Variants in LSM3 observed in about 807,000 individuals in gnomAD.
LSM3 encodes U6 snRNA-associated Sm-like protein LSm3.
Under a neutral mutation model 15.4 loss-of-function variants are expected in LSM3, and 14 were observed. That is an observed-to-expected ratio of 0.91 (90% CI 0.60 to 1.42). The LOEUF is 1.42. Among genes scored for constraint, LSM3 ranks in the 40% most tolerant of loss-of-function variants. The pLI, the probability that LSM3 is intolerant of heterozygous loss-of-function variation, is 0.00. For missense variants in LSM3, 88 were observed against 127.9 expected, an observed-to-expected ratio of 0.69 and a Z score of 1.50; for synonymous variants, 46 against 45.1, an observed-to-expected ratio of 1.02 and a Z score of -0.08.
rs1436714313 is a variant in LSM3, at chr3:14,180,820, C to CTTTTTTTTTTTTTTTTTTTTTT, written c.22-740_22-739insTTTTTTTTTTTTTTTTTTTTTT. On this transcript the variant is annotated intron_variant, in intron 1 of 3. Transcript: ENST00000306024. ...TGACTCCAAAGCCAGTGCTTGCTTG[C>CTTTTTTTTTTTTTTTTTTTTTT]CTTTTTTTTTTTTTTTTTTTTTTTT... Among the ~76,000 whole-genome samples the CTTTTTTTTTTTTTTTTTTTTTT allele has an allele frequency of 3.9e-5, 2 of 51,398 alleles. 1 individual carries two copies. Among genetic ancestry groups the CTTTTTTTTTTTTTTTTTTTTTT allele is most frequent in the African/African-American group, 1.5e-4 (2 of 13,078 alleles). 33.7% of individuals were successfully genotyped at this position (51,398 alleles called of 152,430 possible).
intron 1 of LSM3, among the ~76,000 whole-genome samples, chr3:14,179,099 C>T (rs934628839): frequency 1.3e-5 from 2 of 152,184 alleles, no homozygotes; most frequent in African/African-American, 4.8e-5. Context: ...CTCTTCGCTT[C>T]ATTTTTTTAA....
intron 3 of LSM3, among the ~76,000 whole-genome samples, chr3:14,193,758 A>C (rs1260922337): frequency 6.6e-6 from 1 of 152,006 alleles, no homozygotes; most frequent in African/African-American, 2.4e-5. Context: ...GTTATTACCC[A>C]CCTTCTGAAG....
At chr3:14,190,291 T>C (rs2470457) in intron 3 of LSM3, among the ~76,000 whole-genome samples, 97,511 of 151,040 alleles carry the variant, frequency 0.65, 31,661 homozygotes, top group African/African-American at 0.72. Flanking sequence ...CTTTTTGGTT[T>C]CATATGAAGT....
chr3:14,181,179 G>A (rs1697034778), intron 1 of LSM3, among the ~76,000 whole-genome samples: 1 of 152,154 alleles, frequency 6.6e-6, no homozygotes, highest in East Asian at 1.9e-4. Flanking sequence ...TTAAGTGAGT[G>A]TTTTTCCAAT....
In LSM3 at chr3:14,199,968, C is replaced by G. The variant is rs1310058383; in HGVS notation, c.*1852C>G. On this transcript the variant is annotated 3_prime_UTR_variant, in exon 4 of 4. Coordinates refer to ENST00000306024, the MANE Select transcript of LSM3 (RefSeq NM_014463.3). Reference sequence around the variant, plus strand: ...TCGCTCTGCCAGTCTGCAGTTCTCCCCAGCACTGCATTCATTTTTAGTGGT... The same window carrying G: ...TCGCTCTGCCAGTCTGCAGTTCTCCGCAGCACTGCATTCATTTTTAGTGGT... 1 of 152,216 alleles carries G rather than the reference C, an allele frequency of 6.6e-6. No individual in the cohort carries two copies. Among genetic ancestry groups the G allele is most frequent in the Non-Finnish European group, 1.5e-5 (1 of 68,062 alleles). 9.4% of individuals were successfully genotyped at this position (152,216 alleles called of 1,614,324 possible).
intron 1 of LSM3, 29 bp downstream of exon 1, chr3:14,178,910 A>C: frequency 1.2e-6 from 2 of 1,613,804 alleles, no homozygotes; most frequent in South Asian, 2.2e-5. Flanking sequence ...GGTCGCTCGA[A>C]GGAGCTTCTT....
intron 3 of LSM3, among the ~76,000 whole-genome samples, chr3:14,185,523 A>G (rs1447510376): frequency 2.6e-5 from 4 of 152,208 alleles, no homozygotes; most frequent in Non-Finnish European, 5.9e-5. Context: ...GAAGATTCTC[A>G]TATCTTTTTT....
intron 2 of LSM3, among the ~76,000 whole-genome samples, chr3:14,182,444 A>AT (rs1328871482): frequency 6.6e-6 from 1 of 150,434 alleles, no homozygotes; most frequent in African/African-American, 2.5e-5. Context: ...ATAGTGATCG[A>AT]TTTTTTTTCA....
intron 3 of LSM3, among the ~76,000 whole-genome samples, chr3:14,189,900 G>A (rs762347627): frequency 2.0e-5 from 3 of 152,010 alleles, no homozygotes; most frequent in African/African-American, 7.3e-5. Context: ...GGTATTGCCC[G>A]GGTTTTCTTC....
rs747037189 is a variant in LSM3 at position 14,184,033 on chromosome 3, G to T, written c.228+1G>T. 1 of 1,603,298 alleles carries T rather than the reference G, an allele frequency of 6.2e-7. No individual in the cohort carries two copies. Among genetic ancestry groups the T allele is most frequent in the Non-Finnish European group, 8.5e-7 (1 of 1,176,762 alleles). On this transcript the variant is annotated splice_donor_variant, in intron 3 of 3. Coordinates refer to ENST00000306024, the MANE Select transcript of LSM3 (RefSeq NM_014463.3). LOFTEE classifies it high-confidence loss of function. ...AGAAACATATGAAGAGATATATAAA[G>T]TAAGTCATGCAATTCTATTCATTGC...
chr3:14,187,173 G>C (rs900491920), intron 3 of LSM3, among the ~76,000 whole-genome samples: 3 of 152,218 alleles, frequency 2.0e-5, no homozygotes, highest in Admixed American at 2.0e-4. Flanking sequence ...GGTTCCTCCT[G>C]ACACTGTTTG....
At chr3:14,188,809 C>CT (rs945898009) in intron 3 of LSM3, among the ~76,000 whole-genome samples, 5 of 151,350 alleles carry the variant, frequency 3.3e-5, no homozygotes, top group African/African-American at 4.8e-5. Context: ...TTATCTTTAT[C>CT]TTTTTTTTTA....
chr3:14,195,565 T>C (rs906587327), intron 3 of LSM3, among the ~76,000 whole-genome samples: 1 of 152,224 alleles, frequency 6.6e-6, no homozygotes, highest in African/African-American at 2.4e-5. Context: ...AATATTGCTG[T>C]ATTTTAAAAA....
intron 3 of LSM3, among the ~76,000 whole-genome samples, chr3:14,185,881 CATTT>C (rs1200308330): frequency 6.6e-6 from 1 of 151,898 alleles, no homozygotes; most frequent in Non-Finnish European, 1.5e-5. Flanking sequence ...AAAAAAATCA[CATTT>C]ATTAGTTATC....
intron 2 of LSM3, among the ~76,000 whole-genome samples, chr3:14,183,355 C>T (rs1275716669): frequency 6.6e-6 from 1 of 152,168 alleles, no homozygotes; most frequent in East Asian, 1.9e-4. Context: ...TTAGCTGTAA[C>T]ATTTATTGAT....
chr3:14,194,954 T>C (rs191385949), intron 3 of LSM3, among the ~76,000 whole-genome samples: 87 of 152,224 alleles, frequency 5.7e-4, no homozygotes, highest in Non-Finnish European at 1.2e-3. Context: ...GTTGAAAGTA[T>C]ACTCTGGTGG....
At chr3:14,180,741 T>G (rs1175243182) in intron 1 of LSM3, among the ~76,000 whole-genome samples, 1 of 151,352 alleles carries the variant, frequency 6.6e-6, no homozygotes, top group Non-Finnish European at 1.5e-5. Flanking sequence ...GGCATGATTT[T>G]TAATCTCAGT....
At chr3:14,192,586 G>A (rs1357008350) in intron 3 of LSM3, among the ~76,000 whole-genome samples, 2 of 152,152 alleles carry the variant, frequency 1.3e-5, no homozygotes, top group African/African-American at 4.8e-5. Flanking sequence ...TTTTATTACA[G>A]ATTAGAATTG....
At chr3:14,181,278 G>A (rs1175184814) in intron 1 of LSM3, among the ~76,000 whole-genome samples, 2 of 152,170 alleles carry the variant, frequency 1.3e-5, no homozygotes, top group African/African-American at 2.4e-5. Context: ...AGGGAACAAA[G>A]TATAGTCATG....
Sources: allele counts gnomAD v4.1 joint callset (sites outside exome capture counted in the v4.1 genomes callset), GRCh38; gene constraint gnomAD v4.1.1; transcripts MANE v1.5; gene names NCBI Gene and HGNC (gene_info 2026-07-23, HGNC 2026-07-21).